Variants in NPEPPS observed in about 807,000 individuals in gnomAD.
NPEPPS encodes the protein aminopeptidase puromycin sensitive.
A neutral mutation model predicts 115.5 loss-of-function variants in NPEPPS; 14 were observed. The observed-to-expected ratio is 0.12, with a 90% CI of 0.08 to 0.19. The LOEUF (loss-of-function observed/expected upper bound fraction) is 0.19, where lower values mean the gene tolerates loss of function less well. Ranked by LOEUF, NPEPPS falls within the 10% of genes least tolerant of loss-of-function variation. NPEPPS has a pLI of 1.00. For missense variants in NPEPPS, 523 were observed against 1,110.8 expected (o/e 0.47, Z 7.52); for synonymous variants, 285 against 390.6 (o/e 0.73, Z 3.19).
chr17:47,550,323 G>T (rs1232494289), intron 2 of NPEPPS, among the ~76,000 whole-genome samples: 3 of 132,748 alleles, frequency 2.3e-5, no homozygotes, highest in African/African-American at 8.3e-5. Flanking sequence ...CTATGGGCAT[G>T]TGTGTGTTTT....
intron 1 of NPEPPS, among the ~76,000 whole-genome samples, chr17:47,536,858 C>T (rs539425670): frequency 5.9e-5 from 9 of 151,366 alleles, no homozygotes; most frequent in African/African-American, 1.9e-4. Flanking sequence ...ATTACAGGCG[C>T]GCACCACCAA....
intron 9 of NPEPPS, among the ~76,000 whole-genome samples, chr17:47,589,906 C>A (rs1272136927): frequency 3.3e-5 from 5 of 152,182 alleles, no homozygotes; most frequent in Non-Finnish European, 7.3e-5. Flanking sequence ...CAGAGATAAT[C>A]CTTTACTATA....
At position 47,591,060 on chromosome 17, in the gene NPEPPS, T is replaced by C. The variant is rs561882478; in HGVS notation, c.1260+179T>C. Reference sequence around the variant, plus strand: ...TCTAAGTTCTAATTAACATTTCTTTTTAAGGTAGGCAGTAAAAAAAAATTG... The same window carrying C: ...TCTAAGTTCTAATTAACATTTCTTTCTAAGGTAGGCAGTAAAAAAAAATTG... On this transcript the variant is annotated intron_variant, in intron 10 of 22. Transcript: ENST00000322157. 2.0e-5 allele frequency among the ~76,000 whole-genome samples: 3 copies of C among 152,320 alleles called. No individual in the cohort carries two copies. The South Asian group carries it at 6.2e-4, about 32-fold the overall frequency.
chr17:47,524,836 T>C (rs997202377), intron 1 of NPEPPS, among the ~76,000 whole-genome samples: 15 of 139,548 alleles, frequency 1.1e-4, no homozygotes, highest in Non-Finnish European at 4.6e-5. Context: ...GAGATGGGAG[T>C]CTCACTATGA....
At chr17:47,529,429 C>T (rs1327251361), upstream of NPEPPS, among the ~76,000 whole-genome samples, 2 of 140,284 alleles carry the variant, frequency 1.4e-5, no homozygotes, top group Non-Finnish European at 3.1e-5. Context: ...TTTTTTGAGA[C>T]AGAGTCTCGT....
chr17:47,603,832 C>CTCT, intron 15 of NPEPPS, 83 bp from the exon 16 acceptor site: 1 of 1,328,436 alleles, frequency 7.5e-7, no homozygotes, highest in South Asian at 1.4e-5. Context: ...ATATCTAAAA[C>CTCT]CAGAACTCCT....
chr17:47,529,235 T>G (rs1907558759), upstream of NPEPPS, among the ~76,000 whole-genome samples: 1 of 152,080 alleles, frequency 6.6e-6, no homozygotes, highest in African/African-American at 2.4e-5. Context: ...TTTAAAATTG[T>G]TATTTCATTT....
intron 6 of NPEPPS, 129 bp downstream of exon 6, chr17:47,585,829 A>T: frequency 2.5e-6 from 2 of 785,638 alleles, no homozygotes; most frequent in Admixed American, 5.1e-5. Flanking sequence ...GTTTATTTTT[A>T]GTAGAATTTA....
In NPEPPS at chr17:47,596,478, C is replaced by T. The variant is rs1242312425; in HGVS notation, c.1536+16C>T. The T allele has an allele frequency of 1.4e-6, 2 of 1,480,544 alleles. No homozygotes were observed. The allele number at this position is 1,480,544 out of a possible 1,614,324, so 91.7% of individuals were successfully genotyped here. ...AGCTGAACAGGTAAACATATAAAGT[C>T]TTTCCATTTGTCTGATATTGTATTA... On this transcript the variant is annotated intron_variant, in intron 13 of 22. Coordinates refer to ENST00000322157, the MANE Select transcript of NPEPPS (RefSeq NM_006310.4).
intron 1 of NPEPPS, among the ~76,000 whole-genome samples, chr17:47,543,984 T>C (rs1292733767): frequency 6.6e-6 from 1 of 152,142 alleles, no homozygotes; most frequent in Non-Finnish European, 1.5e-5. Flanking sequence ...AAGCTCCGCC[T>C]CCCAGGTTCA....
chr17:47,609,144 C>G (rs771303277), intron 17 of NPEPPS, among the ~76,000 whole-genome samples: 12 of 152,088 alleles, frequency 7.9e-5, no homozygotes, highest in Non-Finnish European at 1.5e-4. Flanking sequence ...GTAATATGCT[C>G]AGGAGGCTGA....
intron 21 of NPEPPS, 42 bp downstream of exon 21, chr17:47,619,206 ATT>A: frequency 6.5e-7 from 1 of 1,534,996 alleles, no homozygotes; most frequent in Non-Finnish European, 8.9e-7. Flanking sequence ...CATGGATATT[ATT>A]TAGTGACATC....
At chr17:47,553,305 A>G (rs906578088) in intron 2 of NPEPPS, among the ~76,000 whole-genome samples, 1 of 151,430 alleles carries the variant, frequency 6.6e-6, no homozygotes, top group African/African-American at 2.4e-5. Flanking sequence ...CCTGGGAGGC[A>G]GAGGTTGCAG....
At chr17:47,602,048 T>C in intron 15 of NPEPPS, 1 of 282,996 alleles carries the variant, frequency 3.5e-6, no homozygotes, top group Non-Finnish European at 6.7e-6. Context: ...CAAACTCCCC[T>C]GTCATTGTAA....
intron 12 of NPEPPS, 176 bp from the exon 13 acceptor site, chr17:47,596,177 A>C: frequency 2.0e-6 from 1 of 490,384 alleles, no homozygotes; most frequent in East Asian, 3.6e-5. Context: ...TTTATGATAG[A>C]ATTTACTTAG....
At chr17:47,596,227 C>T (rs1912869421) in intron 12 of NPEPPS, 126 bp from the exon 13 acceptor site, 1 of 578,412 alleles carries the variant, frequency 1.7e-6, no homozygotes, top group Non-Finnish European at 3.1e-6. Context: ...TAATTTGGCT[C>T]ACTGTTTCCT....
At chr17:47,530,356 T>A (rs1469036995), upstream of NPEPPS, among the ~76,000 whole-genome samples, 5 of 53,034 alleles carry the variant, frequency 9.4e-5, no homozygotes, top group South Asian at 1.9e-3. Flanking sequence ...TAAAGGTTTT[T>A]TTTTTTTTTT....
chr17:47,542,491 A>G (rs1404204972), intron 1 of NPEPPS, among the ~76,000 whole-genome samples: 6 of 148,646 alleles, frequency 4.0e-5, no homozygotes, highest in African/African-American at 1.5e-4. Flanking sequence ...GGTTGCGGTG[A>G]GCCGAGATCA....
At chr17:47,569,389 T>A in intron 2 of NPEPPS, 28 bp from the exon 3 acceptor site, 1 of 1,455,582 alleles carries the variant, frequency 6.9e-7, no homozygotes, top group Non-Finnish European at 9.6e-7. Context: ...CAGTCAGAAT[T>A]GTAAAGTAAT....
Sources: allele counts gnomAD v4.1 joint callset (sites outside exome capture counted in the v4.1 genomes callset), GRCh38; gene constraint gnomAD v4.1.1; transcripts MANE v1.5; gene names NCBI Gene and HGNC (gene_info 2026-07-23, HGNC 2026-07-21).